The following ANTXR1 variants were observed in gnomAD, a reference collection of about 807,000 sequenced individuals.
The protein encoded by ANTXR1 is ANTXR cell adhesion molecule 1, also known as anthrax toxin receptor 1.
In ANTXR1, 19 loss-of-function variants were observed where a neutral mutation model predicts 78.1. That is an observed-to-expected ratio of 0.24 (90% CI 0.17 to 0.36). The LOEUF is 0.36. Among genes scored for constraint, ANTXR1 ranks in the 10% least tolerant of loss-of-function variants. ANTXR1 has a pLI of 1.00. For synonymous variants in ANTXR1, 273 were observed against 260.5 expected (o/e 1.05, Z -0.46); for missense variants, 518 against 718.6 (o/e 0.72, Z 3.19).
intron 17 of ANTXR1, among the ~76,000 whole-genome samples, chr2:69,198,949 C>T (rs1028644882): frequency 1.3e-5 from 2 of 152,122 alleles, no homozygotes; most frequent in Admixed American, 1.3e-4. Context: ...TCTGGGCCAT[C>T]CCATTGAACA....
intron 7 of ANTXR1, among the ~76,000 whole-genome samples, chr2:69,076,273 G>A (rs1008071478): frequency 2.6e-5 from 4 of 151,968 alleles, no homozygotes; most frequent in Non-Finnish European, 4.4e-5. Context: ...CACCACACCC[G>A]GGCCAAATTT....
intron 6 of ANTXR1, among the ~76,000 whole-genome samples, chr2:69,074,237 T>C (rs1217429983): frequency 2.0e-5 from 3 of 152,202 alleles, no homozygotes; most frequent in Non-Finnish European, 4.4e-5. Context: ...CAAGGTAATA[T>C]GACAGACACT....
intron 17 of ANTXR1, among the ~76,000 whole-genome samples, chr2:69,244,091 G>T (rs890819889): frequency 6.6e-6 from 1 of 152,224 alleles, no homozygotes; most frequent in African/African-American, 2.4e-5. Context: ...AGAAGTTCCT[G>T]AGTACCAGAT....
rs188329270 is a variant in ANTXR1 at position 69,145,604 on chromosome 2, T to C, written c.952-6565T>C. On this transcript the variant is annotated intron_variant, in intron 12 of 17. Transcript: ENST00000303714. Reference sequence around the variant, plus strand: ...CAAGACCTTACTGGAGGCACTTTATTGGCTACATAATCACTCCATGCGGTG... The same window carrying C: ...CAAGACCTTACTGGAGGCACTTTATCGGCTACATAATCACTCCATGCGGTG... 4.3e-3 allele frequency: 5,744 copies of C among 1,350,884 alleles called. 26 individuals carry two copies. The highest frequency in any genetic ancestry group is 9.4e-3 in the Middle Eastern group (33 of 3,522). The allele number at this position is 1,350,884 out of a possible 1,614,324, so 83.7% of individuals were successfully genotyped here.
At chr2:69,198,442 A>G (rs886475604) in intron 17 of ANTXR1, among the ~76,000 whole-genome samples, 3 of 152,020 alleles carry the variant, frequency 2.0e-5, no homozygotes, top group Non-Finnish European at 4.4e-5. Context: ...CATTTTCTTA[A>G]CCCATCTTCA....
chr2:69,055,636 A>C (rs1228495738), intron 3 of ANTXR1, among the ~76,000 whole-genome samples: 3 of 152,144 alleles, frequency 2.0e-5, no homozygotes, highest in African/African-American at 7.2e-5. Flanking sequence ...AACTTCTTTT[A>C]AGTTCTTTTA....
At position 69,118,246 on chromosome 2, in the gene ANTXR1, C is replaced by CAAAAAAAAA. The variant is rs61565815; in HGVS notation, c.803-4763_803-4755dup. On this transcript the variant is annotated intron_variant, in intron 10 of 17. Coordinates refer to ENST00000303714, the MANE Select transcript of ANTXR1 (RefSeq NM_032208.3). The stretch of plus-strand genomic sequence containing the variant: ...GGCAACATAGGGGACCTTGTCTCTA[C>CAAAAAAAAA]AAAAAAAAAAAAAAAATTTAATTAG... Among the ~76,000 whole-genome samples, 121 of 94,932 alleles carry CAAAAAAAAA rather than the reference C, an allele frequency of 1.3e-3. 2 individuals carry two copies. The highest frequency in any genetic ancestry group is 3.8e-3 in the African/African-American group (103 of 27,376). 62.3% of individuals were successfully genotyped at this position (94,932 alleles called of 152,430 possible).
intron 12 of ANTXR1, among the ~76,000 whole-genome samples, chr2:69,137,783 CAAA>C (rs1277649788): frequency 9.2e-5 from 8 of 87,056 alleles, no homozygotes; most frequent in Admixed American, 2.6e-4. Flanking sequence ...GACCCTGTCT[CAAA>C]AAAAAAAAAA....
intron 16 of ANTXR1, among the ~76,000 whole-genome samples, chr2:69,186,799 C>T (rs1320326352): frequency 6.6e-6 from 1 of 152,104 alleles, no homozygotes; most frequent in African/African-American, 2.4e-5. Flanking sequence ...TGCCTCTTGC[C>T]CTGCAAATCC....
intron 14 of ANTXR1, among the ~76,000 whole-genome samples, chr2:69,177,219 A>T (rs1674146163): frequency 6.6e-6 from 1 of 152,206 alleles, no homozygotes; most frequent in Non-Finnish European, 1.5e-5. Context: ...TTACGCTTAA[A>T]CAACATTAAG....
At chr2:69,232,985 C>T (rs918237960) in intron 17 of ANTXR1, among the ~76,000 whole-genome samples, 1 of 152,048 alleles carries the variant, frequency 6.6e-6, no homozygotes, top group Non-Finnish European at 1.5e-5. Context: ...GCCCTGTGAA[C>T]AAAGTACAAA....
chr2:69,059,810 C>T (rs528325243), intron 3 of ANTXR1, among the ~76,000 whole-genome samples: 29 of 151,892 alleles, frequency 1.9e-4, no homozygotes, highest in Non-Finnish European at 3.4e-4. Context: ...GGGACAGAAC[C>T]CACAATATAT....
chr2:69,160,947 A>G (rs1464027930), intron 13 of ANTXR1, among the ~76,000 whole-genome samples: 2 of 152,292 alleles, frequency 1.3e-5, no homozygotes, highest in African/African-American at 2.4e-5. Flanking sequence ...GGATCCTAAG[A>G]TGCAGCCTCT....
intron 9 of ANTXR1, among the ~76,000 whole-genome samples, chr2:69,097,449 T>C (rs189836535): frequency 1.3e-5 from 2 of 152,378 alleles, no homozygotes; most frequent in East Asian, 3.9e-4. Context: ...CATTTGGAAA[T>C]TTCGATGTTT....
intron 8 of ANTXR1, chr2:69,090,523 A>T: frequency 2.7e-6 from 1 of 371,086 alleles, no homozygotes; most frequent in South Asian, 2.6e-5. Flanking sequence ...ATTGGCATTT[A>T]TCATTTCCAG....
At chr2:69,177,625 G>A (rs1019259749) in intron 14 of ANTXR1, among the ~76,000 whole-genome samples, 26 of 152,070 alleles carry the variant, frequency 1.7e-4, no homozygotes, top group Admixed American at 5.9e-4. Context: ...CAATCCCTGC[G>A]GTTTCTCCCA....
chr2:69,033,066 C>T (rs1323499256), intron 1 of ANTXR1, among the ~76,000 whole-genome samples: 1 of 152,016 alleles, frequency 6.6e-6, no homozygotes, highest in Non-Finnish European at 1.5e-5. Flanking sequence ...TCATTGTTTC[C>T]ATAGGCATCA....
chr2:69,064,504 G>T (rs563066266), intron 3 of ANTXR1, among the ~76,000 whole-genome samples: 37 of 152,312 alleles, frequency 2.4e-4, no homozygotes, highest in Non-Finnish European at 5.1e-4. Flanking sequence ...CACATGCACA[G>T]CCAGTATGGG....
At chr2:69,041,065 T>C (rs1669602744) in intron 2 of ANTXR1, among the ~76,000 whole-genome samples, 1 of 152,254 alleles carries the variant, frequency 6.6e-6, no homozygotes, top group South Asian at 2.1e-4. Flanking sequence ...AGCTTGTCTG[T>C]TATGCCAAAA....
Sources: gnomAD v4.1 joint callset for allele counts (sites outside exome capture counted in the v4.1 genomes callset) on GRCh38, gnomAD v4.1.1 for gene constraint, MANE v1.5 for transcripts, NCBI Gene and HGNC (gene_info 2026-07-23, HGNC 2026-07-21) for gene names.